Variants in RPGRIP1L observed in about 807,000 individuals in gnomAD.
RPGRIP1L encodes protein fantom.
A neutral mutation model predicts 160.4 loss-of-function variants in RPGRIP1L; 131 were observed. The observed-to-expected ratio is 0.82, with a 90% confidence interval of 0.71 to 0.94. The LOEUF (loss-of-function observed/expected upper bound fraction) is 0.94, where lower values mean the gene tolerates loss of function less well. RPGRIP1L is among the 40% of genes least tolerant of loss of function. The probability of loss-of-function intolerance (pLI) is 0.00; values close to 1 mark genes in which losing one functional copy is unlikely to be tolerated. For missense variants in RPGRIP1L, 1,522 were observed against 1,535.8 expected (o/e 0.99, Z 0.15); for synonymous variants, 510 against 515.8 (o/e 0.99, Z 0.15).
chr16:53,673,731 G>A (rs1026836943), intron 7 of RPGRIP1L, among the ~76,000 whole-genome samples: 2 of 151,798 alleles, frequency 1.3e-5, no homozygotes, highest in East Asian at 3.9e-4. Flanking sequence ...CATGGCTATT[G>A]AGCCATTCAG....
intron 22 of RPGRIP1L, among the ~76,000 whole-genome samples, chr16:53,632,621 G>T (rs1419096675): frequency 1.3e-5 from 2 of 152,052 alleles, no homozygotes; most frequent in Admixed American, 1.3e-4. Context: ...AGGCCTCAAC[G>T]CTCTGGATTA....
chr16:53,689,557 T>G (rs1482928073), intron 4 of RPGRIP1L, among the ~76,000 whole-genome samples: 3 of 152,244 alleles, frequency 2.0e-5, no homozygotes, highest in Non-Finnish European at 4.4e-5. Flanking sequence ...AGCCAGTGCT[T>G]TCCATCCTTT....
At chr16:53,605,381 G>A (rs1372248480) in intron 26 of RPGRIP1L, 100 bp downstream of exon 26, 1 of 1,347,642 alleles carries the variant, frequency 7.4e-7, no homozygotes, top group Non-Finnish European at 1.1e-6. Flanking sequence ...AGTAACGTGT[G>A]ACTCAGCACC....
chr16:53,696,287 T>A lies in RPGRIP1L; in HGVS notation c.94A>T (p.Thr32Ser), dbSNP rs756062877. Residue 32 changes from threonine to serine, a missense_variant, in exon 3 of 27, where the codon ACA (threonine) becomes TCA (serine). Physicochemically the swap from Thr to Ser is moderately conservative, Grantham distance 58. Transcript: ENST00000647211. Reference protein sequence around the residue: ...FGMGGLQETSTTRTMKSRQAV... With the variant: ...FGMGGLQETSSTRTMKSRQAV... ...TGGCGAGACTTCATTGTCCGTGTTG[T>A]TGAAGTTTCTGCAAAAATGCCAAGA... 1.2e-6 allele frequency: 2 copies of A among 1,614,060 alleles called. No individual in the cohort carries two copies. The highest frequency in any genetic ancestry group is 1.7e-6 in the Non-Finnish European group (2 of 1,179,962).
At chr16:53,618,718 AT>A (rs923089039) in intron 24 of RPGRIP1L, among the ~76,000 whole-genome samples, 3 of 150,654 alleles carry the variant, frequency 2.0e-5, no homozygotes, top group East Asian at 2.0e-4. Flanking sequence ...TAATTTTTGT[AT>A]TTTTTTTTGT....
chr16:53,642,842 A>G (rs923545481), intron 17 of RPGRIP1L, among the ~76,000 whole-genome samples: 1 of 152,184 alleles, frequency 6.6e-6, no homozygotes, highest in African/African-American at 2.4e-5. Flanking sequence ...AGATAATTTC[A>G]TGCCCAGAGG....
chr16:53,684,739 A>G (rs1014325406), intron 6 of RPGRIP1L, among the ~76,000 whole-genome samples: 20 of 151,920 alleles, frequency 1.3e-4, no homozygotes, highest in Non-Finnish European at 2.9e-5. Context: ...CTTAAAGTAT[A>G]ATAATAATAA....
chr16:53,638,852 T>A (rs1814971594), intron 19 of RPGRIP1L, among the ~76,000 whole-genome samples: 1 of 151,934 alleles, frequency 6.6e-6, no homozygotes, highest in Non-Finnish European at 1.5e-5. Context: ...TTATGTTTGA[T>A]TAAAATACAA....
intron 17 of RPGRIP1L, among the ~76,000 whole-genome samples, chr16:53,643,557 G>A (rs536158455): frequency 6.6e-6 from 1 of 152,240 alleles, no homozygotes; most frequent in East Asian, 1.9e-4. Context: ...TAGGCAAAAG[G>A]TGGAAACCTA....
chr16:53,692,345 G>A lies in RPGRIP1L; in HGVS notation c.250C>T (p.Arg84Trp), dbSNP rs770098954. Residue 84 changes from arginine (R) to tryptophan (W), a missense_variant, in exon 4 of 27, where the codon CGG (arginine) becomes TGG (tryptophan). By Grantham distance (101) the Arg-to-Trp change is moderately radical. Transcript: ENST00000647211. ...TATCTTTTCTTGTCATTAACTAGCC[G>A]TATTAACTTGGTGGCCATTCTGGGG... is the stretch of plus-strand genomic sequence containing the variant. Reference protein sequence around the residue: ...KIKRMATKLIRLVNDKKRYER... With the variant: ...KIKRMATKLIWLVNDKKRYER... 1.2e-5 allele frequency: 19 copies of A among 1,613,858 alleles called. No homozygotes were observed. The highest frequency in any genetic ancestry group is 6.7e-5 in the Admixed American group (4 of 59,988).
intron 10 of RPGRIP1L, chr16:53,659,323 C>A (rs966413462): frequency 1.1e-5 from 4 of 379,196 alleles, no homozygotes; most frequent in African/African-American, 2.2e-5. Context: ...TTTATTAAAA[C>A]AAGGTAATTT....
At chr16:53,640,147 A>G (rs1966114085) in intron 19 of RPGRIP1L, among the ~76,000 whole-genome samples, 1 of 152,210 alleles carries the variant, frequency 6.6e-6, no homozygotes, top group South Asian at 2.1e-4. Flanking sequence ...AAGAGGAGTC[A>G]AGAGGATGCC....
intron 23 of RPGRIP1L, among the ~76,000 whole-genome samples, chr16:53,620,730 C>A (rs1964656161): frequency 6.6e-6 from 1 of 152,184 alleles, no homozygotes; most frequent in South Asian, 2.1e-4. Flanking sequence ...CGTTCACGTG[C>A]ATAAAAAATG....
rs140350421 is a variant in RPGRIP1L at position 53,657,631 on chromosome 16, G to A, written c.1403C>T (p.Ala468Val). ...GTCTCCATTTTTTTGTTCTTTTTGA[G>A]CCTAAAATAAAAAACATGTTTTATG... is the stretch of plus-strand genomic sequence containing the variant. ...ELSEALLLIK[A>V]QKEQKNGDLS... is the part of the protein sequence containing the mutation. Residue 468 changes from alanine to valine, a missense_variant and splice_region_variant, in exon 13 of 27, where the codon GCT (alanine) becomes GTT (valine). Physicochemically the swap from Ala to Val is moderately conservative, Grantham distance 64. Coordinates refer to ENST00000647211, the MANE Select transcript of RPGRIP1L (RefSeq NM_015272.5). 12 of 1,556,346 alleles carry A rather than the reference G, an allele frequency of 7.7e-6. No homozygotes were observed. Among genetic ancestry groups the A allele is most frequent in the African/African-American group, 1.4e-5 (1 of 72,966 alleles).
intron 14 of RPGRIP1L, chr16:53,653,244 A>G (rs1966943955): frequency 1.1e-6 from 1 of 884,536 alleles, no homozygotes; most frequent in African/African-American, 1.8e-5. Flanking sequence ...GGAGAAAAAT[A>G]TCAAAAGAAG....
In RPGRIP1L at chr16:53,685,850, T is replaced by C. The variant is rs1470049043; in HGVS notation, c.776+583A>G. Among the ~76,000 whole-genome samples, 4 of 152,182 alleles carry C rather than the reference T, an allele frequency of 2.6e-5. No homozygotes were observed. The South Asian group carries it at 8.3e-4, about 32-fold the overall frequency. On this transcript the variant is annotated intron_variant, in intron 6 of 26. Transcript: ENST00000647211. ...GTAACAAACCTACACATCCTGTACA[T>C]GTACCCCTGAACTTAAAAGTTGGAA...
At chr16:53,689,495 C>T (rs931906352) in intron 4 of RPGRIP1L, among the ~76,000 whole-genome samples, 4 of 152,094 alleles carry the variant, frequency 2.6e-5, no homozygotes, top group African/African-American at 7.2e-5. Context: ...ATCTTTGTTC[C>T]GTTGTTTCCT....
intron 10 of RPGRIP1L, among the ~76,000 whole-genome samples, chr16:53,660,490 C>T (rs1967681222): frequency 1.3e-5 from 2 of 151,510 alleles, no homozygotes; most frequent in Non-Finnish European, 2.9e-5. Flanking sequence ...TTAAATTACA[C>T]AGTTAGGAAT....
intron 22 of RPGRIP1L, among the ~76,000 whole-genome samples, chr16:53,633,282 T>C (rs1965631463): frequency 6.6e-6 from 1 of 152,200 alleles, no homozygotes; most frequent in South Asian, 2.1e-4. Context: ...CAAAATGACA[T>C]TTTCTACCTC....
Sources: allele counts gnomAD v4.1 joint callset (sites outside exome capture counted in the v4.1 genomes callset), GRCh38; gene constraint gnomAD v4.1.1; transcripts MANE v1.5; gene names NCBI Gene and HGNC (gene_info 2026-07-23, HGNC 2026-07-21).